PIK3R5: variants seen among roughly 807,000 people sequenced by gnomAD.
PIK3R5 encodes the protein phosphoinositide-3-kinase regulatory subunit 5.
Under a neutral mutation model 94.9 loss-of-function variants are expected in PIK3R5, and 32 were observed. The observed-to-expected ratio is 0.34, with a 90% CI of 0.25 to 0.45. The LOEUF is 0.45. Ranked by LOEUF, PIK3R5 falls within the 20% of genes least tolerant of loss-of-function variation. The pLI is 1.00. For missense variants in PIK3R5, 853 were observed against 1,144.6 expected (o/e 0.75, Z 3.68); for synonymous variants, 443 against 479.4 (o/e 0.92, Z 0.99).
At chr17:8,899,271 C>T (rs970283471) in intron 5 of PIK3R5, among the ~76,000 whole-genome samples, 25 of 152,202 alleles carry the variant, frequency 1.6e-4, no homozygotes, top group Non-Finnish European at 3.5e-4. Flanking sequence ...CTCTGCCACC[C>T]AGCCACATCA....
intron 1 of PIK3R5, among the ~76,000 whole-genome samples, chr17:8,940,458 A>G (rs2091156966): frequency 6.6e-6 from 1 of 152,238 alleles, no homozygotes; most frequent in Non-Finnish European, 1.5e-5. Flanking sequence ...AAGGGACGCC[A>G]GCAAACAGCA....
At position 8,955,984 on chromosome 17, in the gene PIK3R5, G is replaced by A. The variant is rs548992751; in HGVS notation, c.-14+9612C>T. Among the ~76,000 whole-genome samples the A allele has an allele frequency of 6.6e-5, 10 of 152,108 alleles. 1 individual carries two copies. The South Asian group carries it at 1.9e-3, about 28-fold the overall frequency. ...AGCCTGGGCAACATAGTGAGACCCT[G>A]TCTCTACAAAAAACACACACAAAAA... On this transcript the variant is annotated intron_variant, in intron 1 of 18. Transcript: ENST00000447110. This position sits in a 1 kb window ranked among gnomAD's most constrained non-coding sequence, Gnocchi z 4.4.
At chr17:8,940,507 G>A (rs1406057704) in intron 1 of PIK3R5, among the ~76,000 whole-genome samples, 6 of 152,112 alleles carry the variant, frequency 3.9e-5, no homozygotes, top group East Asian at 1.9e-4. Flanking sequence ...TACACAAAAC[G>A]ACCACAGTTC....
intron 11 of PIK3R5, 108 bp from the exon 12 acceptor site, chr17:8,887,329 C>T: frequency 1.4e-6 from 2 of 1,476,718 alleles, no homozygotes; most frequent in South Asian, 1.3e-5. Context: ...TTCTCCCTGC[C>T]CTTGGGGAAG....
In PIK3R5 at chr17:8,925,232, T is replaced by C. The variant is rs563434807; in HGVS notation, c.-13-13725A>G. Among the ~76,000 whole-genome samples the C allele has an allele frequency of 7.3e-4, 110 of 150,788 alleles. 2 individuals are homozygous for C. Among genetic ancestry groups the C allele is most frequent in the Non-Finnish European group, 1.5e-4 (10 of 67,952 alleles). On this transcript the variant is annotated intron_variant, in intron 1 of 18. Coordinates refer to ENST00000447110, the MANE Select transcript of PIK3R5 (RefSeq NM_001142633.3). The surrounding 1 kb of genome is among the most constrained non-coding windows in gnomAD (Gnocchi z 5.1). ...GATAGATAGATAGTAGATGGATAGA[T>C]AGATAGTAGATGGGTAGATAGATAG...
At chr17:8,944,401 T>C (rs1463425619) in intron 1 of PIK3R5, among the ~76,000 whole-genome samples, 1 of 152,236 alleles carries the variant, frequency 6.6e-6, no homozygotes, top group African/African-American at 2.4e-5. Context: ...CATGCATGTG[T>C]CTTCATGCAG....
At chr17:8,939,757 C>T (rs2091140670) in intron 1 of PIK3R5, among the ~76,000 whole-genome samples, 2 of 152,204 alleles carry the variant, frequency 1.3e-5, no homozygotes, top group Admixed American at 6.5e-5. Flanking sequence ...AATCTCTGCT[C>T]CCCAGAAGCT....
At chr17:8,956,328 T>C (rs1406775809) in intron 1 of PIK3R5, among the ~76,000 whole-genome samples, 2 of 150,058 alleles carry the variant, frequency 1.3e-5, no homozygotes, top group East Asian at 3.8e-4. Context: ...GGTGGGTTTC[T>C]GCCATTGAGG....
At chr17:8,954,058 C>CAAA (rs148047698) in intron 1 of PIK3R5, among the ~76,000 whole-genome samples, 21 of 144,922 alleles carry the variant, frequency 1.4e-4, no homozygotes, top group African/African-American at 1.8e-4. Context: ...CTTTCCTCTG[C>CAAA]AAAAAAAAAG....
At position 8,884,584 on chromosome 17, in the gene PIK3R5, GCAGCCTTC is replaced by G; in HGVS notation, c.2205+115_2205+122del. 1 of 724,464 alleles carries G rather than the reference GCAGCCTTC, an allele frequency of 1.4e-6. No homozygotes were observed. The highest frequency in any genetic ancestry group is 2.4e-6 in the Non-Finnish European group (1 of 414,792). 44.9% of individuals were successfully genotyped at this position (724,464 alleles called of 1,614,324 possible). A position where few individuals can be genotyped will look rare whatever the true frequency, so the allele number is the denominator to read the frequency against. Reference sequence around the variant, plus strand: ...CTCTCAGCATCCAGGGGAGCCTGCTGCAGCCTTCCAGCGTAAAGACTGGGGCCCAGGAA... The same window carrying G: ...CTCTCAGCATCCAGGGGAGCCTGCTGCAGCGTAAAGACTGGGGCCCAGGAA... On this transcript the variant is annotated intron_variant, in intron 15 of 18. Coordinates refer to ENST00000447110, the MANE Select transcript of PIK3R5 (RefSeq NM_001142633.3). The surrounding 1 kb of genome is among the most constrained non-coding windows in gnomAD (Gnocchi z 5.8).
rs35776068 is a variant in PIK3R5 at position 8,902,846 on chromosome 17, AT to A, written c.412+1930del. Among the ~76,000 whole-genome samples the A allele has an allele frequency of 1.5e-3, 204 of 140,086 alleles. 1 individual carries two copies. Among genetic ancestry groups the A allele is most frequent in the East Asian group, 5.9e-3 (29 of 4,908 alleles). The allele number at this position is 140,086 out of a possible 152,430, so 91.9% of individuals were successfully genotyped here. On this transcript the variant is annotated intron_variant, in intron 5 of 18. Coordinates refer to ENST00000447110, the MANE Select transcript of PIK3R5 (RefSeq NM_001142633.3). The stretch of plus-strand genomic sequence containing the variant: ...CTCTTAATTTTATTTTTTAGATAGA[AT>A]TTTTTTTTTTTTTTGAGACAGAGTT...
chr17:8,890,762 G>A lies in PIK3R5; in HGVS notation c.633C>T (p.Val211=). The A allele has an allele frequency of 6.2e-7, 1 of 1,611,258 alleles. No homozygotes were observed. The highest frequency in any genetic ancestry group is 1.1e-5 in the South Asian group (1 of 90,442). ...FQATFGAHCD[V]PGLHCRLQAK... ...CCTGTAGCCTGCAGTGCAGGCCCGGGACGTCACAGTGGGCCCCAAAGGTGG... is the reference window on the plus strand; with the variant it reads ...CCTGTAGCCTGCAGTGCAGGCCCGGAACGTCACAGTGGGCCCCAAAGGTGG... The change falls in exon 7 of 19, where the codon GTC becomes GTT. Residue 211 remains valine, a synonymous_variant. Coordinates refer to ENST00000447110, the MANE Select transcript of PIK3R5 (RefSeq NM_001142633.3). The surrounding 1 kb of genome is among the most constrained non-coding windows in gnomAD (Gnocchi z 6.1).
chr17:8,894,559 G>T (rs1201501297), intron 5 of PIK3R5, among the ~76,000 whole-genome samples: 7 of 152,132 alleles, frequency 4.6e-5, no homozygotes, highest in Admixed American at 2.0e-4. Context: ...CCCCCTCTCT[G>T]TCTCCTCTGA....
intron 1 of PIK3R5, among the ~76,000 whole-genome samples, chr17:8,964,586 G>A (rs2091630791): frequency 6.6e-6 from 1 of 152,092 alleles, no homozygotes; most frequent in Admixed American, 6.6e-5. Flanking sequence ...ATCACTTAAG[G>A]AGCTCATTCA....
At chr17:8,954,322 G>A (rs2091430411) in intron 1 of PIK3R5, among the ~76,000 whole-genome samples, 1 of 152,154 alleles carries the variant, frequency 6.6e-6, no homozygotes, top group Non-Finnish European at 1.5e-5. Context: ...CATCTCCCTT[G>A]TCCTCCAGGG....
At chr17:8,952,676 C>T (rs541760905) in intron 1 of PIK3R5, among the ~76,000 whole-genome samples, 1 of 152,246 alleles carries the variant, frequency 6.6e-6, no homozygotes, top group Non-Finnish European at 1.5e-5. Context: ...AATAAAGTAC[C>T]ATGAGAATAA....
At position 8,896,398 on chromosome 17, in the gene PIK3R5, A is replaced by G. The variant is rs1409969681; in HGVS notation, c.413-2743T>C. Among the ~76,000 whole-genome samples the G allele has an allele frequency of 6.6e-6, 1 of 152,200 alleles. No individual in the cohort carries two copies. The highest frequency in any genetic ancestry group is 2.4e-5 in the African/African-American group (1 of 41,438). On this transcript the variant is annotated intron_variant, in intron 5 of 18. Transcript: ENST00000447110. This position sits in a 1 kb window ranked among gnomAD's most constrained non-coding sequence, Gnocchi z 4.0. ...CACCCTTTCTTGGTCACCTTAGCAGATGGAAACAACTTTCTGAGTTTAGCT... is the reference window on the plus strand; with the variant it reads ...CACCCTTTCTTGGTCACCTTAGCAGGTGGAAACAACTTTCTGAGTTTAGCT...
At chr17:8,952,633 T>A (rs1323462727) in intron 1 of PIK3R5, among the ~76,000 whole-genome samples, 17 of 152,248 alleles carry the variant, frequency 1.1e-4, no homozygotes, top group Admixed American at 1.0e-3. Flanking sequence ...GTAATATTTT[T>A]ATAAATGAAT....
At chr17:8,944,422 T>C (rs780706086) in intron 1 of PIK3R5, among the ~76,000 whole-genome samples, 2 of 152,196 alleles carry the variant, frequency 1.3e-5, no homozygotes, top group Non-Finnish European at 1.5e-5. Flanking sequence ...AATGATGCAT[T>C]GTGGTGATTT....
Sources: gnomAD v4.1 joint callset for allele counts (sites outside exome capture counted in the v4.1 genomes callset) on GRCh38, gnomAD v4.1.1 for gene constraint, Gnocchi (gnomAD v3.1) non-coding constraint, MANE v1.5 for transcripts, NCBI Gene and HGNC (gene_info 2026-07-23, HGNC 2026-07-21) for gene names.